Variants in CIMAP3 observed in about 807,000 individuals in gnomAD.
The protein encoded by CIMAP3 is ciliary microtubule associated protein 3, also known as ciliary microtubule-associated protein 3.
At chr1:111,338,641 GAGACT>G in the CIMAP3 span, among the ~76,000 whole-genome samples, 4 of 151,714 alleles carry the variant, frequency 2.6e-5, no homozygotes, top group Admixed American at 6.6e-5. Flanking sequence ...ACACTCTCCC[GAGACT>G]AAACCAGGAA....
the CIMAP3 span, chr1:111,348,568 AAC>A: frequency 1.9e-6 from 3 of 1,612,500 alleles, no homozygotes; most frequent in Non-Finnish European, 2.5e-6. Context: ...CAGCAGGAAA[AAC>A]ACAAACAAAA....
At chr1:111,328,085 C>CAAAGAACTTCTCATTATTTCAAAGAA in the CIMAP3 span, among the ~76,000 whole-genome samples, 1 of 152,146 alleles carries the variant, frequency 6.6e-6, no homozygotes, top group African/African-American at 2.4e-5. Context: ...TTCTTGATTT[C>CAAAGAACTTCTCATTATTTCAAAGAA]TGCCTTAATT....
At chr1:111,343,513 T>C in the CIMAP3 span, among the ~76,000 whole-genome samples, 1 of 152,252 alleles carries the variant, frequency 6.6e-6, no homozygotes. Context: ...GGCTACACTA[T>C]AAAACTTTGT....
the CIMAP3 span, among the ~76,000 whole-genome samples, chr1:111,326,706 C>G: frequency 6.6e-6 from 1 of 152,074 alleles, no homozygotes; most frequent in African/African-American, 2.4e-5. Flanking sequence ...CCATTTCTGC[C>G]AACAATATAT....
At chr1:111,335,109 C>G in the CIMAP3 span, among the ~76,000 whole-genome samples, 1 of 99,116 alleles carries the variant, frequency 1.0e-5, no homozygotes, top group African/African-American at 4.0e-5. Context: ...GCCTGGGTTA[C>G]AGAGTGAGTC....
chr1:111,348,652 T>G, the CIMAP3 span: 1 of 1,575,980 alleles, frequency 6.3e-7, no homozygotes, highest in Admixed American at 2.0e-5. Context: ...CCCAGGTATG[T>G]CTCCTCCCTT....
At chr1:111,337,666 C>T in the CIMAP3 span, among the ~76,000 whole-genome samples, 1 of 152,184 alleles carries the variant, frequency 6.6e-6, no homozygotes, top group Non-Finnish European at 1.5e-5. Context: ...TACATATGCA[C>T]CCAATACAGG....
chr1:111,326,022 T>C, the CIMAP3 span, among the ~76,000 whole-genome samples: 1 of 152,294 alleles, frequency 6.6e-6, no homozygotes, highest in Admixed American at 6.5e-5. Context: ...TGCTGTTTTT[T>C]TACTGATGCA....
At chr1:111,324,839 A>G in the CIMAP3 span, 1 of 985,288 alleles carries the variant, frequency 1.0e-6, no homozygotes, top group African/African-American at 1.7e-5. Context: ...TTGAGAGGCA[A>G]CAAAACCATA....
the CIMAP3 span, among the ~76,000 whole-genome samples, chr1:111,331,235 G>A: frequency 2.0e-5 from 3 of 151,992 alleles, no homozygotes; most frequent in African/African-American, 7.2e-5. Flanking sequence ...TCCTGAACCT[G>A]GATGTCTGTC....
At chr1:111,324,953 C>G in the CIMAP3 span, 1 of 860,450 alleles carries the variant, frequency 1.2e-6, no homozygotes. Context: ...TGGAGTCTAA[C>G]TGGAAAGAAG....
At chr1:111,342,667 C>G in the CIMAP3 span, among the ~76,000 whole-genome samples, 1 of 152,126 alleles carries the variant, frequency 6.6e-6, no homozygotes. Flanking sequence ...GTATATTTCT[C>G]CCCCCAGGCA....
At chr1:111,325,082 C>G in the CIMAP3 span, among the ~76,000 whole-genome samples, 1 of 152,174 alleles carries the variant, frequency 6.6e-6, no homozygotes, top group Non-Finnish European at 1.5e-5. Flanking sequence ...CTTAATAAAC[C>G]TGCACTGTTT....
At chr1:111,325,759 G>C in the CIMAP3 span, among the ~76,000 whole-genome samples, 27 of 152,120 alleles carry the variant, frequency 1.8e-4, no homozygotes, top group Admixed American at 1.8e-3. Flanking sequence ...TCAGATTCTT[G>C]CACCATATGT....
the CIMAP3 span, chr1:111,348,589 C>T: frequency 1.2e-6 from 2 of 1,613,020 alleles, no homozygotes; most frequent in South Asian, 2.2e-5. Flanking sequence ...AATTTTGCTC[C>T]ATTTAATGTC....
chr1:111,339,902 A>G, the CIMAP3 span, among the ~76,000 whole-genome samples: 1 of 151,798 alleles, frequency 6.6e-6, no homozygotes, highest in South Asian at 2.1e-4. Context: ...CGCCAAGTCA[A>G]TCCTAAGCCA....
At chr1:111,347,387 T>C in the CIMAP3 span, among the ~76,000 whole-genome samples, 1 of 152,180 alleles carries the variant, frequency 6.6e-6, no homozygotes, top group Non-Finnish European at 1.5e-5. Context: ...TTCAGCTCTG[T>C]GGGGCTCCGA....
chr1:111,352,469 G>A, the CIMAP3 span: 12 of 152,742 alleles, frequency 7.9e-5, no homozygotes, highest in African/African-American at 2.2e-4. Context: ...GATGCTGGGG[G>A]TGCCTAATTC....
At chr1:111,328,186 A>T in the CIMAP3 span, among the ~76,000 whole-genome samples, 1 of 152,136 alleles carries the variant, frequency 6.6e-6, no homozygotes, top group East Asian at 1.9e-4. Context: ...CTTGACTTCT[A>T]TTTTTATTGT....
Sources: allele counts gnomAD v4.1 joint callset (sites outside exome capture counted in the v4.1 genomes callset), GRCh38; gene constraint gnomAD v4.1.1; transcripts MANE v1.5; gene names NCBI Gene and HGNC (gene_info 2026-07-23, HGNC 2026-07-21).